ZNF365: variants seen among roughly 807,000 people sequenced by gnomAD.
ZNF365 encodes the protein zinc finger protein 365.
ZNF365 carries 22 observed loss-of-function variants against 35.0 expected under a neutral mutation model. That is an observed-to-expected ratio of 0.63 (90% confidence interval 0.45 to 0.90). The LOEUF (loss-of-function observed/expected upper bound fraction) is 0.90, where lower values mean the gene tolerates loss of function less well. ZNF365 is among the 40% of genes least tolerant of loss of function. The probability of loss-of-function intolerance (pLI) is 0.00; values close to 1 mark genes in which losing one functional copy is unlikely to be tolerated. For synonymous variants in ZNF365, 188 were observed against 196.2 expected (o/e 0.96, Z 0.35); for missense variants, 448 against 500.3 (o/e 0.90, Z 1.00).
In ZNF365 at chr10:62,399,640, C is replaced by A; in HGVS notation, c.1075C>A (p.Pro359Thr). 6.2e-7 allele frequency: 1 copy of A among 1,614,176 alleles called. No homozygotes were observed. Among genetic ancestry groups the A allele is most frequent in the Non-Finnish European group, 8.5e-7 (1 of 1,180,040 alleles). The change falls in exon 5 of 5, where the codon CCT (proline) becomes ACT (threonine). Residue 359 changes from proline (P) to threonine (T), a missense_variant. Coordinates refer to ENST00000395254, the MANE Select transcript of ZNF365 (RefSeq NM_014951.3). ...CAAGGATGACAGAGCCAGCATGCAG[C>A]CTGCCAAGGCCATTCACGAACAGGC... is the stretch of plus-strand genomic sequence containing the variant. ...KAKDDRASMQ[P>T]AKAIHEQAES...
intron 4 of ZNF365, among the ~76,000 whole-genome samples, chr10:62,475,478 A>G (rs892579459): frequency 1.3e-5 from 2 of 152,222 alleles, no homozygotes; most frequent in African/African-American, 4.8e-5. Context: ...ATACTGTATA[A>G]TTGTGACTGT....
intron 3 of ZNF365, among the ~76,000 whole-genome samples, chr10:62,418,150 A>C (rs1257716676): frequency 6.6e-6 from 1 of 152,066 alleles, no homozygotes; most frequent in African/African-American, 2.4e-5. Context: ...GAATAATTTT[A>C]AGTGGTCTAT....
intron 3 of ZNF365, among the ~76,000 whole-genome samples, chr10:62,454,259 G>T (rs1414801780): frequency 6.6e-6 from 1 of 152,146 alleles, no homozygotes; most frequent in Non-Finnish European, 1.5e-5. Flanking sequence ...GTTAACAAAA[G>T]TCTGTACAAT....
In ZNF365 at chr10:62,379,487, C is replaced by T. The variant is rs1288198261; in HGVS notation, c.743+2551C>T. Among the ~76,000 whole-genome samples the T allele has an allele frequency of 2.6e-5, 4 of 151,816 alleles. No individual in the cohort carries two copies. The South Asian group carries it at 6.2e-4, about 24-fold the overall frequency. On this transcript the variant is annotated intron_variant, in intron 2 of 4. Coordinates refer to ENST00000395254, the MANE Select transcript of ZNF365 (RefSeq NM_014951.3). ...TTTAAACGTTCATTTGGGCCAGTCC[C>T]ATCAGTTTCTGTATTCAGGCCTCAA...
chr10:62,417,702 TC>T (rs1264354870), intron 3 of ZNF365, among the ~76,000 whole-genome samples: 1 of 151,880 alleles, frequency 6.6e-6, no homozygotes, highest in Non-Finnish European at 1.5e-5. Context: ...TAAAACATGT[TC>T]AATAGAGTGA....
intron 3 of ZNF365, among the ~76,000 whole-genome samples, chr10:62,455,626 T>C (rs1242998882): frequency 6.6e-6 from 1 of 151,898 alleles, no homozygotes; most frequent in Non-Finnish European, 1.5e-5. Context: ...TATACATAGT[T>C]TATTTAAACT....
At chr10:62,434,568 G>A (rs961119245) in intron 3 of ZNF365, among the ~76,000 whole-genome samples, 2 of 152,072 alleles carry the variant, frequency 1.3e-5, no homozygotes, top group Non-Finnish European at 2.9e-5. Context: ...ACTGAGACTA[G>A]CAGGGAAAGC....
exon 5 of ZNF365, chr10:62,479,963 G>C: frequency 6.2e-7 from 1 of 1,605,930 alleles, no homozygotes; most frequent in Non-Finnish European, 8.5e-7. Context: ...AATTGTGCCA[G>C]AGAAGCTTTC....
intron 3 of ZNF365, among the ~76,000 whole-genome samples, chr10:62,438,186 TG>T (rs1840436859): frequency 6.7e-6 from 1 of 148,850 alleles, no homozygotes; most frequent in Non-Finnish European, 1.5e-5. Context: ...TTCTTGTTTT[TG>T]TTTTTGTTTT....
In ZNF365 at chr10:62,376,826, T is replaced by C; in HGVS notation, c.633T>C (p.Val211=). The change falls in exon 2 of 5, where the codon GTT becomes GTC. Residue 211 remains valine (V), a synonymous_variant. Coordinates refer to ENST00000395254, the MANE Select transcript of ZNF365 (RefSeq NM_014951.3). ...FVQLTQKKQE[V]QRRERALNRQ... ...AGCTGACTCAGAAAAAGCAGGAAGTTCAGAGACGAGAGCGGGCCTTAAACA... is the reference window on the plus strand; with the variant it reads ...AGCTGACTCAGAAAAAGCAGGAAGTCCAGAGACGAGAGCGGGCCTTAAACA... 1.2e-6 allele frequency: 2 copies of C among 1,614,136 alleles called. No individual in the cohort carries two copies. The highest frequency in any genetic ancestry group is 1.1e-5 in the South Asian group (1 of 91,076).
intron 3 of ZNF365, among the ~76,000 whole-genome samples, chr10:62,435,132 A>G (rs1206567709): frequency 1.3e-5 from 2 of 152,216 alleles, no homozygotes; most frequent in African/African-American, 2.4e-5. Context: ...GGCTAATGAC[A>G]GACTAAGAAA....
chr10:62,456,369 T>A (rs750367273), intron 3 of ZNF365, among the ~76,000 whole-genome samples: 9 of 152,220 alleles, frequency 5.9e-5, no homozygotes, highest in Admixed American at 3.3e-4. Context: ...CTTGATTTAC[T>A]GAATTGAACA....
At chr10:62,441,670 G>A (rs1840503908) in intron 3 of ZNF365, among the ~76,000 whole-genome samples, 1 of 152,220 alleles carries the variant, frequency 6.6e-6, no homozygotes, top group South Asian at 2.1e-4. Flanking sequence ...TTTCATCTGT[G>A]TTGTCTTATC....
chr10:62,464,374 A>T (rs1840897958), intron 4 of ZNF365, among the ~76,000 whole-genome samples: 1 of 152,176 alleles, frequency 6.6e-6, no homozygotes, highest in Non-Finnish European at 1.5e-5. Context: ...ATTGTAACTA[A>T]ATCATTTTCT....
intron 3 of ZNF365, among the ~76,000 whole-genome samples, chr10:62,422,305 C>T (rs10761634): frequency 0.59 from 89,218 of 151,952 alleles, 26,709 homozygotes; most frequent in East Asian, 0.77. Context: ...GAATATAAGT[C>T]GCTATGCCTT....
At chr10:62,468,462 A>G (rs1207190622) in intron 4 of ZNF365, among the ~76,000 whole-genome samples, 1 of 152,200 alleles carries the variant, frequency 6.6e-6, no homozygotes, top group East Asian at 1.9e-4. Flanking sequence ...GGCACTAAGA[A>G]AGCTTAGACA....
downstream of ZNF365, among the ~76,000 whole-genome samples, chr10:62,404,139 C>T (rs570337767): frequency 1.4e-4 from 22 of 151,868 alleles, no homozygotes; most frequent in African/African-American, 4.3e-4. Flanking sequence ...AGAGTTTTTC[C>T]AGTAGAGGAA....
chr10:62,477,045 T>G (rs1475593047), intron 4 of ZNF365, among the ~76,000 whole-genome samples: 2 of 152,238 alleles, frequency 1.3e-5, no homozygotes, highest in East Asian at 3.8e-4. Flanking sequence ...GAGTTCATTT[T>G]CTGTGCCAGA....
chr10:62,398,970 C>T (rs545878079), intron 4 of ZNF365, among the ~76,000 whole-genome samples, 193 bp downstream of exon 4: 2 of 152,260 alleles, frequency 1.3e-5, no homozygotes, highest in East Asian at 3.9e-4. Context: ...CAATATCCTA[C>T]TAGTCTATTA....
Sources: gnomAD v4.1 joint callset for allele counts (sites outside exome capture counted in the v4.1 genomes callset) on GRCh38, gnomAD v4.1.1 for gene constraint, MANE v1.5 for transcripts, NCBI Gene and HGNC (gene_info 2026-07-23, HGNC 2026-07-21) for gene names.